Variants in SHISAL2B observed in about 807,000 individuals in gnomAD.
SHISAL2B encodes shisa like 2B, also known as protein shisa-like-2B.
A neutral mutation model predicts 16.5 loss-of-function variants in SHISAL2B; 12 were observed. The ratio of observed to expected loss-of-function variants is 0.73; its 90% CI spans 0.47 to 1.18. The LOEUF (loss-of-function observed/expected upper bound fraction) is 1.18, where lower values mean the gene tolerates loss of function less well. SHISAL2B is among the 50% of genes most tolerant of loss of function. The probability of loss-of-function intolerance (pLI) is 0.00; values close to 1 mark genes in which losing one functional copy is unlikely to be tolerated. For synonymous variants in SHISAL2B, 72 were observed against 75.0 expected (o/e 0.96, Z 0.21); for missense variants, 183 against 193.6 (o/e 0.95, Z 0.33).
intron 2 of SHISAL2B, among the ~76,000 whole-genome samples, chr5:64,698,473 T>TC (rs1193959237): frequency 3.9e-5 from 6 of 152,174 alleles, no homozygotes; most frequent in Admixed American, 2.6e-4. Context: ...ACTTCCTGAC[T>TC]CAGGGTCTTT....
In SHISAL2B at chr5:64,690,507, C is replaced by A; in HGVS notation, c.-117C>A. On this transcript the variant is annotated 5_prime_UTR_variant, in exon 1 of 3. Transcript: ENST00000389074. ...AGGCTGAGCGCCCAGGCAGCCAGAG[C>A]CCAGATCGGAAGAGCCGAGTCCGGG... 1.3e-6 allele frequency: 1 copy of A among 784,162 alleles called. No homozygotes were observed. Among genetic ancestry groups the A allele is most frequent in the Non-Finnish European group, 1.8e-6 (1 of 552,206 alleles). 48.6% of individuals were successfully genotyped at this position (784,162 alleles called of 1,614,324 possible). A position where few individuals can be genotyped will look rare whatever the true frequency, so the allele number is the denominator to read the frequency against.
chr5:64,716,836 G>C (rs957976497), intron 2 of SHISAL2B, among the ~76,000 whole-genome samples: 9 of 152,282 alleles, frequency 5.9e-5, no homozygotes, highest in African/African-American at 7.2e-5. Flanking sequence ...TATAAGACTT[G>C]GGTGAATGGA....
intron 1 of SHISAL2B, among the ~76,000 whole-genome samples, chr5:64,692,777 TC>T (rs2112053946): frequency 6.6e-6 from 1 of 152,304 alleles, no homozygotes; most frequent in Admixed American, 6.5e-5. Context: ...ATTCTTCCTT[TC>T]CTGTGTCTGG....
At chr5:64,701,513 A>G (rs1375110265) in intron 2 of SHISAL2B, among the ~76,000 whole-genome samples, 2 of 152,128 alleles carry the variant, frequency 1.3e-5, no homozygotes, top group Non-Finnish European at 2.9e-5. Flanking sequence ...TTGAATATCT[A>G]TTGATATTCT....
At chr5:64,703,212 A>T (rs1741832762) in intron 2 of SHISAL2B, among the ~76,000 whole-genome samples, 1 of 152,208 alleles carries the variant, frequency 6.6e-6, no homozygotes, top group South Asian at 2.1e-4. Flanking sequence ...ACATTTGCTC[A>T]AAGCTTTTAT....
chr5:64,702,341 C>T (rs995830461), intron 2 of SHISAL2B, among the ~76,000 whole-genome samples: 27 of 152,172 alleles, frequency 1.8e-4, no homozygotes, highest in African/African-American at 5.8e-4. Context: ...GCTGGAATTA[C>T]AGGCATGAGC....
Position 64,717,916 on chromosome 5 carries a change from T to C in SHISAL2B, c.377T>C (p.Leu126Pro). The change falls in exon 3 of 3, where the codon CTC (leucine) becomes CCC (proline). Residue 126 changes from leucine (L) to proline (P), a missense_variant. By Grantham distance (98) the Leu-to-Pro change is moderately conservative. Transcript: ENST00000389074. ...EGKSNGKTKA[L>P]NSNAASNATN... ...AAGTCAAATGGAAAAACCAAAGCCC[T>C]CAATTCAAATGCAGCATCAAATGCA... The C allele has an allele frequency of 6.6e-7, 1 of 1,515,022 alleles. No individual in the cohort carries two copies. Among genetic ancestry groups the C allele is most frequent in the Non-Finnish European group, 8.8e-7 (1 of 1,141,912 alleles). 93.8% of individuals were successfully genotyped at this position (1,515,022 alleles called of 1,614,324 possible).
chr5:64,698,245 C>T (rs1741765608), intron 2 of SHISAL2B, among the ~76,000 whole-genome samples: 1 of 152,216 alleles, frequency 6.6e-6, no homozygotes, highest in African/African-American at 2.4e-5. Flanking sequence ...CTGCTTCTGT[C>T]CTTGTTCCCC....
chr5:64,694,687 G>T (rs1741705265), intron 1 of SHISAL2B, among the ~76,000 whole-genome samples: 1 of 152,170 alleles, frequency 6.6e-6, no homozygotes. Context: ...ACATGAACTT[G>T]ATATGAATTT....
chr5:64,700,873 C>T (rs1199747296), intron 2 of SHISAL2B, among the ~76,000 whole-genome samples: 2 of 152,194 alleles, frequency 1.3e-5, no homozygotes, highest in Non-Finnish European at 2.9e-5. Flanking sequence ...GAAAGCACAA[C>T]CTAGATCCCT....
intron 2 of SHISAL2B, among the ~76,000 whole-genome samples, chr5:64,702,164 A>G (rs1221357148): frequency 6.6e-6 from 1 of 152,128 alleles, no homozygotes; most frequent in Non-Finnish European, 1.5e-5. Flanking sequence ...AGTATAGTTT[A>G]TATTTTCTAG....
intron 2 of SHISAL2B, among the ~76,000 whole-genome samples, chr5:64,701,537 G>A (rs1206656144): frequency 6.6e-6 from 1 of 152,074 alleles, no homozygotes; most frequent in African/African-American, 2.4e-5. Context: ...GTTTTAGAAG[G>A]GGCTGGGGGA....
chr5:64,690,853 C>G (rs967402995), intron 1 of SHISAL2B, 39 bp downstream of exon 1: 1 of 1,467,308 alleles, frequency 6.8e-7, no homozygotes, highest in Non-Finnish European at 9.0e-7. Flanking sequence ...CTGGCCGAGC[C>G]CGGGGCTAGG....
In SHISAL2B at chr5:64,690,545, C is replaced by A; in HGVS notation, c.-79C>A. 8.1e-7 allele frequency: 1 copy of A among 1,230,334 alleles called. No individual in the cohort carries two copies. Among genetic ancestry groups the A allele is most frequent in the Non-Finnish European group, 1.1e-6 (1 of 937,668 alleles). The allele number at this position is 1,230,334 out of a possible 1,614,324, so 76.2% of individuals were successfully genotyped here. On this transcript the variant is annotated 5_prime_UTR_variant, in exon 1 of 3. Transcript: ENST00000389074. ...AGCCGAGTCCGGGCAGAGGGGTCCG[C>A]GGGCTCTGGAGGTGCTGGACGGGTG...
Position 64,690,612 on chromosome 5 carries a change from C to T in SHISAL2B, c.-12C>T. ...CGGGGCCCTCGCGAGCCTCTCCCGG[C>T]CCCTGCCCGCGATGAGCGAGGCCAG... On this transcript the variant is annotated 5_prime_UTR_variant, in exon 1 of 3. Coordinates refer to ENST00000389074, the MANE Select transcript of SHISAL2B (RefSeq NM_001164442.2). 1 of 1,471,626 alleles carries T rather than the reference C, an allele frequency of 6.8e-7. No homozygotes were observed. The highest frequency in any genetic ancestry group is 2.6e-5 in the East Asian group (1 of 38,726). 91.2% of individuals were successfully genotyped at this position (1,471,626 alleles called of 1,614,324 possible). A position where few individuals can be genotyped will look rare whatever the true frequency, so the allele number is the denominator to read the frequency against.
intron 2 of SHISAL2B, 114 bp downstream of exon 2, chr5:64,695,778 A>G: frequency 4.1e-6 from 3 of 740,172 alleles, no homozygotes; most frequent in South Asian, 7.6e-5. Flanking sequence ...TCAGTTCACT[A>G]TGTGTCTCAC....
intron 2 of SHISAL2B, among the ~76,000 whole-genome samples, chr5:64,715,555 T>C (rs552400714): frequency 1.6e-4 from 25 of 152,222 alleles, no homozygotes; most frequent in Non-Finnish European, 2.8e-4. Context: ...TGTGGGTCTC[T>C]GAACCACCAA....
At chr5:64,707,391 T>A (rs1215577384) in intron 2 of SHISAL2B, among the ~76,000 whole-genome samples, 1 of 152,180 alleles carries the variant, frequency 6.6e-6, no homozygotes, top group African/African-American at 2.4e-5. Context: ...ATTCTTTACT[T>A]ACCACAGGTT....
rs1742086969 is a variant in SHISAL2B at position 64,718,120 on chromosome 5, GTCAC to G, written c.*103_*106del. 5.5e-6 allele frequency: 6 copies of G among 1,089,988 alleles called. No homozygotes were observed. Among genetic ancestry groups the G allele is most frequent in the African/African-American group, 1.7e-5 (1 of 60,444 alleles). 67.5% of individuals were successfully genotyped at this position (1,089,988 alleles called of 1,614,324 possible). ...TTGTAATATTGCTTTTCAAAAATTC[GTCAC>G]TCACAAAGCAAGACACAGCTGCATT... On this transcript the variant is annotated 3_prime_UTR_variant, in exon 3 of 3. Transcript: ENST00000389074.
Sources: gnomAD v4.1 joint callset for allele counts (sites outside exome capture counted in the v4.1 genomes callset) on GRCh38, gnomAD v4.1.1 for gene constraint, MANE v1.5 for transcripts, NCBI Gene and HGNC (gene_info 2026-07-23, HGNC 2026-07-21) for gene names.